Variants in BRD10 observed in about 807,000 individuals in gnomAD.
BRD10 encodes the protein uncharacterized bromodomain-containing protein 10.
chr9:5,987,290 T>C, the BRD10 span, among the ~76,000 whole-genome samples: 4 of 152,228 alleles, frequency 2.6e-5, no homozygotes, highest in African/African-American at 9.7e-5. Context: ...TTAATTGTTC[T>C]CAGGACAATC....
chr9:5,979,959 G>C, the BRD10 span, among the ~76,000 whole-genome samples: 2 of 144,088 alleles, frequency 1.4e-5, no homozygotes, highest in African/African-American at 5.2e-5. Flanking sequence ...AGGTTGCAGT[G>C]AGCCAGGACT....
chr9:5,954,991 G>A, the BRD10 span, among the ~76,000 whole-genome samples: 1 of 152,026 alleles, frequency 6.6e-6, no homozygotes, highest in South Asian at 2.1e-4. Context: ...GGGAGCCTGA[G>A]ACAGGAGAAT....
the BRD10 span, among the ~76,000 whole-genome samples, chr9:5,955,787 C>G: frequency 2.0e-5 from 3 of 152,218 alleles, no homozygotes; most frequent in African/African-American, 7.2e-5. Context: ...TACACAGTAC[C>G]TTATAACAGA....
At chr9:5,954,216 A>AAT in the BRD10 span, 1 of 621,782 alleles carries the variant, frequency 1.6e-6, no homozygotes, top group Non-Finnish European at 2.8e-6. Flanking sequence ...TAGTGAGTCA[A>AAT]ATAAAAATGA....
At chr9:5,919,738 G>C in the BRD10 span, 6 of 1,613,166 alleles carry the variant, frequency 3.7e-6, no homozygotes, top group Non-Finnish European at 5.1e-6. Flanking sequence ...AAGCAGGGAA[G>C]ACAGACGCAG....
chr9:5,884,868 G>C, the BRD10 span, among the ~76,000 whole-genome samples: 1 of 152,160 alleles, frequency 6.6e-6, no homozygotes. Context: ...TGCGAGACTT[G>C]GGCCATGTTC....
At chr9:5,886,011 C>T in the BRD10 span, among the ~76,000 whole-genome samples, 1 of 152,204 alleles carries the variant, frequency 6.6e-6, no homozygotes, top group Non-Finnish European at 1.5e-5. Flanking sequence ...GGGCTTGTAG[C>T]CTTCCCAAAA....
chr9:5,932,575 G>C, the BRD10 span, among the ~76,000 whole-genome samples: 1 of 152,138 alleles, frequency 6.6e-6, no homozygotes, highest in Non-Finnish European at 1.5e-5. Flanking sequence ...AAGTCTACAG[G>C]AGGATGTGTG....
At chr9:5,920,131 A>G in the BRD10 span, 3 of 1,613,862 alleles carry the variant, frequency 1.9e-6, no homozygotes, top group East Asian at 6.7e-5. Flanking sequence ...GATGTTGTAG[A>G]GGTTGGCCAC....
chr9:5,922,508 T>G, the BRD10 span: 48 of 1,613,608 alleles, frequency 3.0e-5, no homozygotes, highest in Non-Finnish European at 3.7e-5. Flanking sequence ...ATTTGGTAGT[T>G]GGGTAGAAAC....
chr9:5,916,111 A>C, the BRD10 span, among the ~76,000 whole-genome samples: 6 of 152,210 alleles, frequency 3.9e-5, no homozygotes, highest in Non-Finnish European at 8.8e-5. Context: ...AATGTGTAAG[A>C]ATAACTGGGG....
chr9:5,978,872 GTA>G, the BRD10 span, among the ~76,000 whole-genome samples: 2 of 152,196 alleles, frequency 1.3e-5, no homozygotes, highest in Non-Finnish European at 1.5e-5. Flanking sequence ...CAAGTAAGAA[GTA>G]TATACCTGCT....
chr9:5,881,326 C>T, the BRD10 span, among the ~76,000 whole-genome samples: 1 of 152,156 alleles, frequency 6.6e-6, no homozygotes, highest in East Asian at 1.9e-4. Context: ...AAACGGTCAG[C>T]CCTAAAAGAC....
the BRD10 span, among the ~76,000 whole-genome samples, chr9:5,885,382 T>C: frequency 8.7e-4 from 1 of 1,150 alleles, no homozygotes; most frequent in Non-Finnish European, 0.038. Context: ...ATGTTATCTC[T>C]TTTTTTTTTT....
chr9:5,881,144 C>T, the BRD10 span, among the ~76,000 whole-genome samples: 1 of 152,178 alleles, frequency 6.6e-6, no homozygotes, highest in African/African-American at 2.4e-5. Flanking sequence ...CCCTGACACC[C>T]TTTTCAACTA....
the BRD10 span, among the ~76,000 whole-genome samples, chr9:5,880,608 T>C: frequency 1.3e-5 from 2 of 152,196 alleles, no homozygotes; most frequent in Non-Finnish European, 2.9e-5. Flanking sequence ...CACACAGACA[T>C]GGTCAGGAAG....
At chr9:5,919,567 C>CACAG in the BRD10 span, 1 of 825,778 alleles carries the variant, frequency 1.2e-6, no homozygotes, top group Non-Finnish European at 1.9e-6. Context: ...CACACACACA[C>CACAG]ACACACACAC....
At chr9:5,928,475 C>G in the BRD10 span, among the ~76,000 whole-genome samples, 4 of 152,212 alleles carry the variant, frequency 2.6e-5, no homozygotes, top group African/African-American at 9.6e-5. Flanking sequence ...TCTACATGAT[C>G]TGGCTTCCTT....
chr9:5,924,465 T>C, the BRD10 span, among the ~76,000 whole-genome samples: 1 of 152,116 alleles, frequency 6.6e-6, no homozygotes, highest in East Asian at 1.9e-4. Context: ...ATTTTTTTGT[T>C]GAGATGGGGT....
Sources: gnomAD v4.1 joint callset for allele counts (sites outside exome capture counted in the v4.1 genomes callset) on GRCh38, gnomAD v4.1.1 for gene constraint, MANE v1.5 for transcripts, NCBI Gene and HGNC (gene_info 2026-07-23, HGNC 2026-07-21) for gene names.